Variants in PCSK6 observed in about 807,000 individuals in gnomAD.
PCSK6 encodes the protein proprotein convertase subtilisin/kexin type 6.
A neutral mutation model predicts 123.3 loss-of-function variants in PCSK6; 85 were observed. The ratio of observed to expected loss-of-function variants is 0.69; its 90% confidence interval spans 0.58 to 0.83. The LOEUF is 0.83. Ranked by LOEUF, PCSK6 falls within the 40% of genes least tolerant of loss-of-function variation. The pLI, the probability that PCSK6 is intolerant of heterozygous loss-of-function variation, is 0.00. For synonymous variants in PCSK6, 508 were observed against 516.0 expected (o/e 0.98, Z 0.21); for missense variants, 1,191 against 1,282.3 (o/e 0.93, Z 1.09).
At chr15:101,315,858 C>T (rs2039979819) in intron 19 of PCSK6, among the ~76,000 whole-genome samples, 1 of 152,258 alleles carries the variant, frequency 6.6e-6, no homozygotes, top group African/African-American at 2.4e-5. Context: ...ACCTCCATGC[C>T]AGGACACACG....
At chr15:101,486,165 T>C (rs7164370) in intron 1 of PCSK6, among the ~76,000 whole-genome samples, 11,346 of 152,010 alleles carry the variant, frequency 0.075, 1,096 homozygotes, top group African/African-American at 0.22. Context: ...GGTTTCTCCA[T>C]GTTGGTCTGG....
chr15:101,430,498 C>T (rs1211363647), intron 4 of PCSK6, among the ~76,000 whole-genome samples: 3 of 152,248 alleles, frequency 2.0e-5, no homozygotes, highest in African/African-American at 7.2e-5. Flanking sequence ...CTTCGCATAA[C>T]GTCCAAGGTT....
rs115208210 is a variant in PCSK6 at position 101,453,512 on chromosome 15, C to T, written c.298-9852G>A. On this transcript the variant is annotated intron_variant, in intron 1 of 21. Transcript: ENST00000611716. ...CCATGTCAGGGAGGAGGTGAGCCTG[C>T]GGAGGCTCCAGGAACCCAGAACTGC... 1.7e-3 allele frequency among the ~76,000 whole-genome samples: 257 copies of T among 152,326 alleles called. 1 individual carries two copies. Among genetic ancestry groups the T allele is most frequent in the African/African-American group, 5.9e-3 (245 of 41,558 alleles).
intron 13 of PCSK6, among the ~76,000 whole-genome samples, chr15:101,344,494 C>T (rs1223006319): frequency 2.6e-5 from 4 of 152,168 alleles, no homozygotes; most frequent in Non-Finnish European, 5.9e-5. Flanking sequence ...GAATCACTAA[C>T]TCATAAATAA....
intron 6 of PCSK6, among the ~76,000 whole-genome samples, chr15:101,400,532 G>A (rs544327685): frequency 8.5e-5 from 13 of 152,322 alleles, no homozygotes; most frequent in Middle Eastern, 3.4e-3. Context: ...TTTCCCTGAG[G>A]TTAAAAGAGG....
rs1222519616 is a variant in PCSK6 at position 101,329,732 on chromosome 15, C to A, written c.2077+1919G>T. On this transcript the variant is annotated intron_variant, in intron 15 of 21. Coordinates refer to ENST00000611716, the MANE Select transcript of PCSK6 (RefSeq NM_002570.5). Reference sequence around the variant, plus strand: ...GTGTGGATGACCACAGTGTCCTGAGCTGATCTCAGCCCACTCAGCTTCCTT... The same window carrying A: ...GTGTGGATGACCACAGTGTCCTGAGATGATCTCAGCCCACTCAGCTTCCTT... 8.5e-5 allele frequency among the ~76,000 whole-genome samples: 13 copies of A among 152,358 alleles called. No homozygotes were observed. The East Asian group carries it at 1.9e-3, about 23-fold the overall frequency.
At chr15:101,316,116 G>A (rs1277952883) in intron 19 of PCSK6, among the ~76,000 whole-genome samples, 1 of 152,204 alleles carries the variant, frequency 6.6e-6, no homozygotes, top group African/African-American at 2.4e-5. Flanking sequence ...CAGGAAGTAG[G>A]CAGCTGAGAA....
chr15:101,333,225 T>C (rs551380221), intron 13 of PCSK6, among the ~76,000 whole-genome samples: 194 of 152,328 alleles, frequency 1.3e-3, no homozygotes, highest in African/African-American at 4.4e-3. Flanking sequence ...CCCCACATAG[T>C]TGAGGGGGCC....
rs113750882 is a variant in PCSK6, at chr15:101,403,545, G to A, written c.824-4969C>T. ...ACAAAAGATTGTATGTCACATACAC[G>A]TTAGTTATAAAGCCTAATAAAAAAA... On this transcript the variant is annotated intron_variant, in intron 6 of 21. Transcript: ENST00000611716. Among the ~76,000 whole-genome samples, 166 of 151,940 alleles carry A rather than the reference G, an allele frequency of 1.1e-3. 2 individuals carry two copies. Among genetic ancestry groups the A allele is most frequent in the African/African-American group, 3.6e-3 (149 of 41,414 alleles).
chr15:101,306,666 T>C (rs1567132787), intron 21 of PCSK6, among the ~76,000 whole-genome samples: 1 of 152,226 alleles, frequency 6.6e-6, no homozygotes. Flanking sequence ...TGGTGCCCTT[T>C]TAAGTTTCTG....
At chr15:101,476,232 G>T (rs1229279872) in intron 1 of PCSK6, among the ~76,000 whole-genome samples, 1 of 152,130 alleles carries the variant, frequency 6.6e-6, no homozygotes, top group Non-Finnish European at 1.5e-5. Flanking sequence ...ACACAGTAAG[G>T]GCCAGCAATC....
chr15:101,305,105 C>T lies in PCSK6; in HGVS notation c.*153G>A, dbSNP rs931069463. ...ACACCTCCTTAAGAGCCACCACCCACCTGGCTTGGGTGCTCAGAGATGCTG... is the reference window on the plus strand; with the variant it reads ...ACACCTCCTTAAGAGCCACCACCCATCTGGCTTGGGTGCTCAGAGATGCTG... On this transcript the variant is annotated 3_prime_UTR_variant, in exon 22 of 22. Coordinates refer to ENST00000611716, the MANE Select transcript of PCSK6 (RefSeq NM_002570.5). This position sits in a 1 kb window ranked among gnomAD's most constrained non-coding sequence, Gnocchi z 4.8. The T allele has an allele frequency of 9.5e-6, 6 of 629,700 alleles. No individual in the cohort carries two copies. Among genetic ancestry groups the T allele is most frequent in the African/African-American group, 9.1e-5 (5 of 54,774 alleles). 39.0% of individuals were successfully genotyped at this position (629,700 alleles called of 1,614,324 possible).
chr15:101,402,598 A>C (rs968220895), intron 6 of PCSK6, among the ~76,000 whole-genome samples: 1 of 152,246 alleles, frequency 6.6e-6, no homozygotes, highest in Non-Finnish European at 1.5e-5. Context: ...ACCCCATCAA[A>C]AAGTGGGCAA....
chr15:101,406,183 A>G (rs974716644), intron 6 of PCSK6, among the ~76,000 whole-genome samples: 1 of 149,248 alleles, frequency 6.7e-6, no homozygotes, highest in South Asian at 2.1e-4. Flanking sequence ...CAACATTAAG[A>G]GCAATGGGAA....
Position 101,489,468 on chromosome 15 carries a change from G to A in PCSK6, c.203C>T (p.Pro68Leu). The change falls in exon 1 of 22, where the codon CCC becomes CTC. Residue 68 changes from proline (P) to leucine (L), a missense_variant. Physicochemically the swap from Pro to Leu is moderately conservative, Grantham distance 98. Transcript: ENST00000611716. ...PAACSAPPPR[P>L]VYTNHWAVQV... ...CACCGCCCAGTGGTTGGTGTAGACG[G>A]GGCGCGGCGGGGGCGCGGAGCAGGC... 3 of 1,109,090 alleles carry A rather than the reference G, an allele frequency of 2.7e-6. No homozygotes were observed. The highest frequency in any genetic ancestry group is 3.3e-6 in the Non-Finnish European group (3 of 909,042). 68.7% of individuals were successfully genotyped at this position (1,109,090 alleles called of 1,614,324 possible).
At chr15:101,374,984 C>T (rs2041691682) in intron 11 of PCSK6, among the ~76,000 whole-genome samples, 1 of 150,358 alleles carries the variant, frequency 6.7e-6, no homozygotes, top group Non-Finnish European at 1.5e-5. Context: ...GATGGAGTCT[C>T]ACTCTGTCCG....
At chr15:101,387,077 C>T (rs1472435488) in intron 9 of PCSK6, among the ~76,000 whole-genome samples, 1 of 152,202 alleles carries the variant, frequency 6.6e-6, no homozygotes, top group East Asian at 1.9e-4. Flanking sequence ...TGTGTTCTTG[C>T]TGCTCCTGGC....
chr15:101,341,247 G>GT (rs1289138912), intron 13 of PCSK6, among the ~76,000 whole-genome samples: 17 of 127,872 alleles, frequency 1.3e-4, no homozygotes, highest in African/African-American at 3.2e-4. Context: ...AAAAGTGTGG[G>GT]GTTTTTTTTT....
At chr15:101,437,292 A>T (rs1256799562) in intron 2 of PCSK6, among the ~76,000 whole-genome samples, 1 of 152,222 alleles carries the variant, frequency 6.6e-6, no homozygotes, top group African/African-American at 2.4e-5. Flanking sequence ...GTGAGAGCCC[A>T]TCATGGCGAG....
Sources: allele counts gnomAD v4.1 joint callset (sites outside exome capture counted in the v4.1 genomes callset), GRCh38; gene constraint gnomAD v4.1.1; non-coding constraint Gnocchi (gnomAD v3.1); transcripts MANE v1.5; gene names NCBI Gene and HGNC (gene_info 2026-07-23, HGNC 2026-07-21).